The following MYO9A variants were observed in gnomAD, a reference collection of about 807,000 sequenced individuals.
MYO9A encodes myosin IXA, also known as unconventional myosin-IXa.
In MYO9A, 103 loss-of-function variants were observed where a neutral mutation model predicts 293.3. The observed-to-expected ratio is 0.35, with a 90% CI of 0.30 to 0.41. MYO9A has a LOEUF of 0.41. Ranked by LOEUF, MYO9A falls within the 10% of genes least tolerant of loss-of-function variation. The pLI is 1.00. For missense variants in MYO9A, 2,685 were observed against 3,033.0 expected (o/e 0.89, Z 2.69); for synonymous variants, 1,001 against 1,035.7 (o/e 0.97, Z 0.64).
intron 1 of MYO9A, among the ~76,000 whole-genome samples, chr15:72,105,974 T>C (rs1448925602): frequency 3.3e-5 from 5 of 152,148 alleles, no homozygotes; most frequent in Non-Finnish European, 5.9e-5. Context: ...ACATCTTATA[T>C]ACCAATACGA....
At chr15:72,067,521 T>C (rs1337143738) in intron 1 of MYO9A, among the ~76,000 whole-genome samples, 8 of 151,918 alleles carry the variant, frequency 5.3e-5, no homozygotes. Flanking sequence ...GACCTCGTGA[T>C]CCACCCGCCT....
chr15:71,975,440 C>A (rs1191255977), intron 12 of MYO9A, among the ~76,000 whole-genome samples: 2 of 95,858 alleles, frequency 2.1e-5, no homozygotes, highest in South Asian at 3.4e-4. Context: ...GGTTTTCGTC[C>A]ATGGTTCCTG....
intron 32 of MYO9A, among the ~76,000 whole-genome samples, chr15:71,874,028 G>A (rs1596079021): frequency 1.3e-5 from 2 of 152,144 alleles, no homozygotes; most frequent in African/African-American, 4.8e-5. Context: ...GTTTCTCAAT[G>A]AGAAAATCCT....
At chr15:71,922,261 G>A (rs181485926) in intron 18 of MYO9A, among the ~76,000 whole-genome samples, 211 of 152,294 alleles carry the variant, frequency 1.4e-3, no homozygotes, top group African/African-American at 4.5e-3. Flanking sequence ...TTACAGGCGT[G>A]AGCCACCGCA....
At chr15:72,021,527 T>A (rs1207054966) in intron 4 of MYO9A, among the ~76,000 whole-genome samples, 1 of 152,180 alleles carries the variant, frequency 6.6e-6, no homozygotes, top group Non-Finnish European at 1.5e-5. Flanking sequence ...CCTCATTCCC[T>A]AAGAAATATC....
intron 14 of MYO9A, among the ~76,000 whole-genome samples, chr15:71,953,466 T>C (rs1227626007): frequency 2.0e-5 from 3 of 152,258 alleles, no homozygotes; most frequent in Non-Finnish European, 4.4e-5. Flanking sequence ...GAATATTATG[T>C]GTTAAAGTAT....
intron 37 of MYO9A, 108 bp downstream of exon 37, chr15:71,851,145 G>A: frequency 2.4e-6 from 2 of 837,600 alleles, no homozygotes; most frequent in Non-Finnish European, 3.7e-6. Context: ...TTTATAAATA[G>A]AAGAAAAAAT....
At chr15:71,851,433 A>C in intron 36 of MYO9A, 75 bp from the exon 37 acceptor site, 4 of 1,171,072 alleles carry the variant, frequency 3.4e-6, no homozygotes. Flanking sequence ...AGACACTATG[A>C]AGCAAAGAAG....
chr15:72,111,039 T>G (rs943420500), intron 1 of MYO9A, among the ~76,000 whole-genome samples: 5 of 151,552 alleles, frequency 3.3e-5, no homozygotes, highest in African/African-American at 1.2e-4. Flanking sequence ...GGTGCCTGTA[T>G]TCCCAGCTAC....
chr15:72,042,864 C>A (rs2078267144), intron 2 of MYO9A, among the ~76,000 whole-genome samples: 1 of 151,828 alleles, frequency 6.6e-6, no homozygotes, highest in Non-Finnish European at 1.5e-5. Context: ...GAGTTCAGGA[C>A]CAGCCCGCCT....
intron 13 of MYO9A, 52 bp from the exon 14 acceptor site, chr15:71,960,148 A>G (rs775963638): frequency 1.3e-6 from 2 of 1,507,660 alleles, no homozygotes; most frequent in Non-Finnish European, 1.8e-6. Context: ...ATTATGAAAA[A>G]CAAGATGACG....
intron 2 of MYO9A, among the ~76,000 whole-genome samples, chr15:72,043,971 G>A (rs889501678): frequency 7.2e-6 from 1 of 138,186 alleles, no homozygotes; most frequent in East Asian, 2.1e-4. Flanking sequence ...AGCAAAAACC[G>A]CATATATTTA....
At chr15:72,047,724 G>A (rs555556697) in intron 1 of MYO9A, among the ~76,000 whole-genome samples, 1 of 148,440 alleles carries the variant, frequency 6.7e-6, no homozygotes, top group Non-Finnish European at 1.5e-5. Context: ...AACATATAAG[G>A]ATGATGTGCT....
intron 13 of MYO9A, chr15:71,960,360 C>T (rs905056002): frequency 3.1e-6 from 1 of 327,054 alleles, no homozygotes; most frequent in South Asian, 4.0e-5. Context: ...TGTGGCACTC[C>T]TACTTCTCCA....
At position 71,913,469 on chromosome 15, in the gene MYO9A, T is replaced by C. The variant is rs2057920034; in HGVS notation, c.2685+2901A>G. Among the ~76,000 whole-genome samples, 5 of 152,340 alleles carry C rather than the reference T, an allele frequency of 3.3e-5. 1 individual carries two copies. In the South Asian group the frequency reaches 1.0e-3, roughly 32 times the overall value. On this transcript the variant is annotated intron_variant, in intron 19 of 41. Coordinates refer to ENST00000356056, the MANE Select transcript of MYO9A (RefSeq NM_006901.4). The stretch of plus-strand genomic sequence containing the variant: ...AAATAAAAAATCTATTTTGTTCTTA[T>C]CATATTCATGTTTTTTGTTATGTCT...
chr15:71,873,087 T>C (rs1236164279), intron 32 of MYO9A, among the ~76,000 whole-genome samples: 1 of 151,978 alleles, frequency 6.6e-6, no homozygotes, highest in African/African-American at 2.4e-5. Context: ...TAATTTTTTT[T>C]TGTATTTTTA....
At chr15:72,057,432 T>C (rs1055138532) in intron 1 of MYO9A, among the ~76,000 whole-genome samples, 14 of 152,236 alleles carry the variant, frequency 9.2e-5, no homozygotes, top group Non-Finnish European at 1.6e-4. Context: ...CTGTACCTTC[T>C]TCAAAATTAC....
At chr15:71,936,349 G>A (rs769101279) in intron 16 of MYO9A, among the ~76,000 whole-genome samples, 1 of 152,092 alleles carries the variant, frequency 6.6e-6, no homozygotes, top group South Asian at 2.1e-4. Flanking sequence ...TAAGCAGAGA[G>A]GTTGGTCAAT....
chr15:71,921,987 T>C (rs1271844672), intron 18 of MYO9A, among the ~76,000 whole-genome samples: 1 of 152,154 alleles, frequency 6.6e-6, no homozygotes, highest in Non-Finnish European at 1.5e-5. Flanking sequence ...CTTTTTTTTT[T>C]ATTTTTTGAG....
Sources: allele counts gnomAD v4.1 joint callset (sites outside exome capture counted in the v4.1 genomes callset), GRCh38; gene constraint gnomAD v4.1.1; transcripts MANE v1.5; gene names NCBI Gene and HGNC (gene_info 2026-07-23, HGNC 2026-07-21).